Variants in EHBP1 observed in about 807,000 individuals in gnomAD.
EHBP1 encodes the protein EH domain-binding protein 1.
EHBP1 carries 55 observed loss-of-function variants against 144.0 expected under a neutral mutation model. The observed-to-expected ratio is 0.38, with a 90% CI of 0.31 to 0.48. EHBP1 has a LOEUF of 0.48. Ranked by LOEUF, EHBP1 falls within the 20% of genes least tolerant of loss-of-function variation. EHBP1 has a pLI of 0.98. For missense variants in EHBP1, 1,200 were observed against 1,364.2 expected (o/e 0.88, Z 1.90); for synonymous variants, 469 against 472.7 (o/e 0.99, Z 0.10).
At chr2:62,852,699 GA>G (rs1054082093) in intron 7 of EHBP1, among the ~76,000 whole-genome samples, 3 of 149,762 alleles carry the variant, frequency 2.0e-5, no homozygotes, top group Non-Finnish European at 1.5e-5. Context: ...AGTAAAGAAT[GA>G]AAAAAAAATC....
upstream of EHBP1, among the ~76,000 whole-genome samples, chr2:62,703,959 C>T (rs1223057570): frequency 6.6e-6 from 1 of 152,172 alleles, no homozygotes; most frequent in Non-Finnish European, 1.5e-5. Context: ...TTCTGATCAT[C>T]ATGTGGATTG....
rs572458473 is a variant in EHBP1, at chr2:62,738,618, T to C, written c.105-8777T>C. On this transcript the variant is annotated intron_variant, in intron 2 of 22. Coordinates refer to ENST00000431489, the MANE Select transcript of EHBP1 (RefSeq NM_001142616.3). ...ACATCTTAGGACCTTTTTTCACTGC[T>C]GTACTGGGGATAGTCAGATATTTAG... Among the ~76,000 whole-genome samples, 135 of 152,310 alleles carry C rather than the reference T, an allele frequency of 8.9e-4. 1 individual carries two copies. The highest frequency in any genetic ancestry group is 3.2e-3 in the African/African-American group (133 of 41,570).
intron 5 of EHBP1, among the ~76,000 whole-genome samples, chr2:62,813,745 TG>T (rs537503313): frequency 1.2e-4 from 19 of 152,348 alleles, no homozygotes; most frequent in African/African-American, 4.6e-4. Context: ...TAGGACTTAA[TG>T]TTGTTTTCCT....
At chr2:63,029,712 A>G (rs1345823050) in intron 19 of EHBP1, among the ~76,000 whole-genome samples, 2 of 152,098 alleles carry the variant, frequency 1.3e-5, no homozygotes, top group African/African-American at 2.4e-5. Context: ...AATTTTTTTT[A>G]AAAGCTAAAC....
chr2:62,803,017 G>C (rs2044148516), intron 5 of EHBP1, among the ~76,000 whole-genome samples: 1 of 152,142 alleles, frequency 6.6e-6, no homozygotes, highest in South Asian at 2.1e-4. Flanking sequence ...AAGCCAAAGT[G>C]CCCAGCTATA....
chr2:62,812,410 A>G (rs934963236), intron 5 of EHBP1, among the ~76,000 whole-genome samples: 1 of 152,198 alleles, frequency 6.6e-6, no homozygotes, highest in Non-Finnish European at 1.5e-5. Flanking sequence ...GAATTTGGTG[A>G]AGCAGGCTAA....
intron 10 of EHBP1, among the ~76,000 whole-genome samples, chr2:62,901,783 T>C (rs1218889112): frequency 6.6e-6 from 1 of 151,782 alleles, no homozygotes; most frequent in Non-Finnish European, 1.5e-5. Context: ...TTGGGCAACA[T>C]GGCAAAACCC....
At chr2:62,902,108 T>C (rs1467255458) in intron 10 of EHBP1, among the ~76,000 whole-genome samples, 1 of 152,096 alleles carries the variant, frequency 6.6e-6, no homozygotes, top group East Asian at 1.9e-4. Flanking sequence ...TCTGAGACAG[T>C]GTGGGCATGT....
At chr2:62,876,365 G>A (rs752264504) in intron 10 of EHBP1, among the ~76,000 whole-genome samples, 18 of 152,154 alleles carry the variant, frequency 1.2e-4, no homozygotes, top group Non-Finnish European at 1.0e-4. Flanking sequence ...AAGAATTTTT[G>A]TATCCAGCCA....
At chr2:62,844,996 A>C (rs1436922832) in intron 7 of EHBP1, among the ~76,000 whole-genome samples, 2 of 152,152 alleles carry the variant, frequency 1.3e-5, no homozygotes, top group African/African-American at 2.4e-5. Flanking sequence ...CCTACCACCA[A>C]ATGACAACTT....
intron 14 of EHBP1, among the ~76,000 whole-genome samples, chr2:62,957,588 T>G (rs1306782835): frequency 6.8e-6 from 1 of 146,300 alleles, no homozygotes; most frequent in Non-Finnish European, 1.5e-5. Context: ...CATAGAAAAT[T>G]CCCCCAAAAT....
chr2:62,750,394 G>A (rs944389598), intron 3 of EHBP1, among the ~76,000 whole-genome samples: 68 of 152,274 alleles, frequency 4.5e-4, no homozygotes, highest in African/African-American at 1.6e-3. Context: ...TAGCCTTGTA[G>A]TATAGTTTGA....
Position 62,863,837 on chromosome 2 carries a change from G to GTTTTTTTTTTTTTTTTTTTTTT in EHBP1, c.758-892_758-891insTTTTTTTTTTTTTTTTTTTTTT, listed in dbSNP as rs1354945636. Among the ~76,000 whole-genome samples the GTTTTTTTTTTTTTTTTTTTTTT allele has an allele frequency of 2.7e-5, 2 of 74,576 alleles. 1 individual carries two copies. Among genetic ancestry groups the GTTTTTTTTTTTTTTTTTTTTTT allele is most frequent in the African/African-American group, 9.8e-5 (2 of 20,316 alleles). 48.9% of individuals were successfully genotyped at this position (74,576 alleles called of 152,430 possible). Reference sequence around the variant, plus strand: ...ATTTTTTTAAATTTTATTTTTCTGTGTTGTTTTTTTTTTTTTTTTTTTTTT... The same window carrying GTTTTTTTTTTTTTTTTTTTTTT: ...ATTTTTTTAAATTTTATTTTTCTGTGTTTTTTTTTTTTTTTTTTTTTTTTGTTTTTTTTTTTTTTTTTTTTTT... On this transcript the variant is annotated intron_variant, in intron 8 of 22. Transcript: ENST00000431489.
At chr2:62,858,456 G>A (rs1435383664) in intron 7 of EHBP1, 1 of 1,611,882 alleles carries the variant, frequency 6.2e-7, no homozygotes, top group Non-Finnish European at 8.5e-7. Flanking sequence ...AGATCAAGAT[G>A]ACTGCATAAA....
chr2:62,996,684 G>A lies in EHBP1; in HGVS notation c.3021G>A (p.Leu1007=). 1 of 1,613,242 alleles carries A rather than the reference G, an allele frequency of 6.2e-7. No homozygotes were observed. Among genetic ancestry groups the A allele is most frequent in the Non-Finnish European group, 8.5e-7 (1 of 1,179,582 alleles). The change falls in exon 19 of 23, where the codon TTG becomes TTA. Residue 1007 remains leucine, a synonymous_variant. Coordinates refer to ENST00000431489, the MANE Select transcript of EHBP1 (RefSeq NM_001142616.3). ...CCAGTCAGTATGTAGTAGGAGAATT[G>A]GCAGCACTAGAGAATGAGCAAAAGC... ...KDTSQYVVGE[L]AALENEQKQI...
At chr2:63,013,502 A>G (rs908829804) in intron 19 of EHBP1, among the ~76,000 whole-genome samples, 1 of 152,034 alleles carries the variant, frequency 6.6e-6, no homozygotes. Flanking sequence ...GCTAACAAAT[A>G]CCCTGCTGCT....
chr2:62,769,093 C>T (rs934940916), intron 4 of EHBP1, among the ~76,000 whole-genome samples: 7 of 152,070 alleles, frequency 4.6e-5, no homozygotes, highest in Admixed American at 1.3e-4. Flanking sequence ...CTTTGAAAAC[C>T]GGCACAAGAC....
intron 10 of EHBP1, among the ~76,000 whole-genome samples, chr2:62,922,757 G>A (rs569965138): frequency 6.6e-6 from 1 of 152,300 alleles, no homozygotes; most frequent in African/African-American, 2.4e-5. Flanking sequence ...GGAAGTCCAG[G>A]AGGGCAGCAT....
chr2:62,772,164 A>C (rs2152366025), intron 5 of EHBP1: 1 of 136,052 alleles, frequency 7.4e-6, no homozygotes, highest in South Asian at 2.7e-4. Context: ...AAAGAGAGAA[A>C]GGGAGGAAGG....
Sources: gnomAD v4.1 joint callset for allele counts (sites outside exome capture counted in the v4.1 genomes callset) on GRCh38, gnomAD v4.1.1 for gene constraint, MANE v1.5 for transcripts, NCBI Gene and HGNC (gene_info 2026-07-23, HGNC 2026-07-21) for gene names.